Variants in NAA16 observed in about 807,000 individuals in gnomAD.
The protein encoded by NAA16 is NARG1-like protein.
NAA16 carries 97 observed loss-of-function variants against 110.3 expected under a neutral mutation model. The ratio of observed to expected loss-of-function variants is 0.88; its 90% confidence interval spans 0.75 to 1.04. The LOEUF is 1.04. NAA16 is among the 50% of genes least tolerant of loss of function. The probability of loss-of-function intolerance (pLI) is 0.00; values close to 1 mark genes in which losing one functional copy is unlikely to be tolerated. For missense variants in NAA16, 1,017 were observed against 1,005.1 expected, an observed-to-expected ratio of 1.01 and a Z score of -0.16; for synonymous variants, 372 against 330.6, an observed-to-expected ratio of 1.13 and a Z score of -1.36.
chr13:41,319,316 A>C (rs2041886965), intron 3 of NAA16, among the ~76,000 whole-genome samples: 1 of 152,186 alleles, frequency 6.6e-6, no homozygotes, highest in South Asian at 2.1e-4. Flanking sequence ...TCATATGTTA[A>C]AATTTGTGTG....
At chr13:41,324,393 T>G (rs1299767496) in intron 5 of NAA16, among the ~76,000 whole-genome samples, 1 of 58,960 alleles carries the variant, frequency 1.7e-5, no homozygotes, top group Non-Finnish European at 3.2e-5. Flanking sequence ...TTTTTTTTTT[T>G]GAGACAGAGT....
At position 41,374,767 on chromosome 13, in the gene NAA16, C is replaced by T. The variant is rs745460476; in HGVS notation, c.2325C>T (p.Asp775=). The stretch of plus-strand genomic sequence containing the variant: ...GTGCTAAAATGATGTATTTTCTGGA[C>T]AAGTCAAGGCAGGAGAAAGCAATTG... ...LSGAKMMYFL[D]KSRQEKAIAI... is the part of the protein sequence containing the mutation. Residue 775 remains aspartate, a synonymous_variant, in exon 19 of 20, where the codon GAC becomes GAT. Coordinates refer to ENST00000379406, the MANE Select transcript of NAA16 (RefSeq NM_024561.5). 6.2e-7 allele frequency: 1 copy of T among 1,611,712 alleles called. No homozygotes were observed. The highest frequency in any genetic ancestry group is 8.5e-7 in the Non-Finnish European group (1 of 1,178,570).
chr13:41,311,816 C>T (rs1302066660), intron 1 of NAA16, among the ~76,000 whole-genome samples: 3 of 152,246 alleles, frequency 2.0e-5, no homozygotes, highest in African/African-American at 7.2e-5. Context: ...CGCCTCACCC[C>T]CGCCGCGCTC....
At chr13:41,354,874 T>C (rs61963964) in intron 9 of NAA16, among the ~76,000 whole-genome samples, 2 of 145,278 alleles carry the variant, frequency 1.4e-5, no homozygotes, top group African/African-American at 5.1e-5. Context: ...GTGTCCCTTA[T>C]AGGAGTGGTC....
intron 18 of NAA16, among the ~76,000 whole-genome samples, chr13:41,374,226 T>A (rs1383681529): frequency 6.6e-6 from 1 of 152,020 alleles, no homozygotes; most frequent in Non-Finnish European, 1.5e-5. Flanking sequence ...AGGAGAAATA[T>A]AAACTGTGTT....
chr13:41,339,535 C>A (rs1409290149), intron 9 of NAA16, among the ~76,000 whole-genome samples: 1 of 152,012 alleles, frequency 6.6e-6, no homozygotes, highest in African/African-American at 2.4e-5. Context: ...AGACAAATTC[C>A]ATAACTTTTT....
At chr13:41,370,615 G>C (rs922378840) in intron 15 of NAA16, among the ~76,000 whole-genome samples, 1 of 152,200 alleles carries the variant, frequency 6.6e-6, no homozygotes, top group Non-Finnish European at 1.5e-5. Flanking sequence ...TTCCATCCAT[G>C]CTTTGTCTCT....
intron 2 of NAA16, among the ~76,000 whole-genome samples, chr13:41,318,205 AT>A (rs771469935): frequency 0.094 from 13,390 of 142,396 alleles, 1,805 homozygotes; most frequent in African/African-American, 0.31. Context: ...CTGCTTTGTA[AT>A]TTTTTTTTTT....
At chr13:41,331,188 A>G (rs538155317) in intron 7 of NAA16, 86 bp from the exon 8 acceptor site, 24 of 794,894 alleles carry the variant, frequency 3.0e-5, no homozygotes, top group African/African-American at 3.0e-4. Context: ...AGTTTTATTT[A>G]TAACAAAATT....
intron 9 of NAA16, among the ~76,000 whole-genome samples, chr13:41,352,498 T>C (rs1000691879): frequency 6.6e-6 from 1 of 151,300 alleles, no homozygotes; most frequent in African/African-American, 2.4e-5. Context: ...CTACTAAAAA[T>C]ACAAAAATTA....
chr13:41,369,350 T>C, intron 15 of NAA16, 67 bp downstream of exon 15: 1 of 1,303,706 alleles, frequency 7.7e-7, no homozygotes, highest in Non-Finnish European at 1.0e-6. Context: ...TTCTGACAGT[T>C]AACATGATTT....
intron 13 of NAA16, among the ~76,000 whole-genome samples, chr13:41,365,675 A>T (rs1251781421): frequency 1.3e-5 from 2 of 152,152 alleles, no homozygotes; most frequent in African/African-American, 4.8e-5. Flanking sequence ...CAGTGGAAAA[A>T]CTGAGAGAGC....
At chr13:41,328,665 C>T in intron 6 of NAA16, 59 bp from the exon 7 acceptor site, 4 of 1,412,468 alleles carry the variant, frequency 2.8e-6, no homozygotes, top group Non-Finnish European at 3.9e-6. Flanking sequence ...TAGTGAAGTC[C>T]CTGGGGTCAG....
At chr13:41,336,338 G>A (rs1362068085) in intron 8 of NAA16, among the ~76,000 whole-genome samples, 1 of 152,114 alleles carries the variant, frequency 6.6e-6, no homozygotes, top group Non-Finnish European at 1.5e-5. Flanking sequence ...CCAGCTTAGT[G>A]TTTAAAAAGA....
At chr13:41,355,781 A>G (rs2042966248) in intron 10 of NAA16, among the ~76,000 whole-genome samples, 1 of 152,188 alleles carries the variant, frequency 6.6e-6, no homozygotes, top group Admixed American at 6.5e-5. Flanking sequence ...TGGCTTGCCT[A>G]AGACCATGTA....
At chr13:41,345,720 C>T (rs1440337769) in intron 9 of NAA16, among the ~76,000 whole-genome samples, 1 of 152,082 alleles carries the variant, frequency 6.6e-6, no homozygotes, top group African/African-American at 2.4e-5. Flanking sequence ...GTATCTGGGA[C>T]TACAGGCATG....
chr13:41,344,900 C>T (rs986282078), intron 9 of NAA16, among the ~76,000 whole-genome samples: 1 of 152,220 alleles, frequency 6.6e-6, no homozygotes, highest in Admixed American at 6.5e-5. Context: ...CTTCACGTCC[C>T]TCTCAGCTAT....
At chr13:41,371,903 G>C (rs1183493731) in intron 15 of NAA16, among the ~76,000 whole-genome samples, 1 of 152,144 alleles carries the variant, frequency 6.6e-6, no homozygotes, top group African/African-American at 2.4e-5. Flanking sequence ...ATAGCAGATA[G>C]GGGATTGTCA....
At chr13:41,315,741 C>T (rs1017733207) in intron 1 of NAA16, among the ~76,000 whole-genome samples, 4 of 151,974 alleles carry the variant, frequency 2.6e-5, no homozygotes, top group Admixed American at 6.6e-5. Context: ...AGTGCAGTTT[C>T]TGGTATTTTT....
Sources: allele counts gnomAD v4.1 joint callset (sites outside exome capture counted in the v4.1 genomes callset), GRCh38; gene constraint gnomAD v4.1.1; transcripts MANE v1.5; gene names NCBI Gene and HGNC (gene_info 2026-07-23, HGNC 2026-07-21).